Variants in CDH13 observed in about 807,000 individuals in gnomAD.
CDH13 encodes cadherin 13, also known as cadherin-13.
CDH13 carries 24 observed loss-of-function variants against 63.8 expected under a neutral mutation model. That is an observed-to-expected ratio of 0.38 (90% CI 0.27 to 0.53). CDH13 has a LOEUF of 0.53. Among genes scored for constraint, CDH13 ranks in the 20% least tolerant of loss-of-function variants. CDH13 has a pLI of 0.85. For missense variants in CDH13, 1,049 were observed against 903.1 expected (o/e 1.16, Z -2.07); for synonymous variants, 503 against 355.3 (o/e 1.42, Z -4.67).
chr16:83,669,859 T>C (rs544269960), intron 8 of CDH13, among the ~76,000 whole-genome samples: 1 of 152,350 alleles, frequency 6.6e-6, no homozygotes, highest in South Asian at 2.1e-4. Flanking sequence ...GTTACTTGTT[T>C]ATAAAATATT....
intron 6 of CDH13, among the ~76,000 whole-genome samples, chr16:83,391,496 G>A (rs1186034892): frequency 6.6e-6 from 1 of 152,136 alleles, no homozygotes; most frequent in African/African-American, 2.4e-5. Flanking sequence ...GAGCCACCGT[G>A]CCAGCCACAC....
intron 4 of CDH13, among the ~76,000 whole-genome samples, chr16:83,127,877 C>A (rs1171216008): frequency 6.6e-6 from 1 of 152,176 alleles, no homozygotes. Context: ...GAGTCTGGGA[C>A]ATGATACAAA....
chr16:83,318,551 T>C (rs2090153895), intron 5 of CDH13, among the ~76,000 whole-genome samples: 1 of 152,204 alleles, frequency 6.6e-6, no homozygotes, highest in Non-Finnish European at 1.5e-5. Flanking sequence ...GTTGCTTTCA[T>C]TCTGTTACTC....
intron 3 of CDH13, among the ~76,000 whole-genome samples, chr16:83,067,938 C>A (rs551743770): frequency 6.6e-6 from 1 of 152,106 alleles, no homozygotes; most frequent in African/African-American, 2.4e-5. Context: ...GAAAAATATC[C>A]CTGGCCTGGG....
At chr16:83,412,734 G>T (rs1042903189) in intron 6 of CDH13, among the ~76,000 whole-genome samples, 3 of 152,206 alleles carry the variant, frequency 2.0e-5, no homozygotes, top group Non-Finnish European at 2.9e-5. Context: ...ATACGGTGAA[G>T]TCATGAGCCC....
At chr16:82,629,782 G>C (rs1259799438) in intron 1 of CDH13, among the ~76,000 whole-genome samples, 1 of 152,194 alleles carries the variant, frequency 6.6e-6, no homozygotes, top group African/African-American at 2.4e-5. Context: ...CCTATCCCCT[G>C]GGGTGTTTTG....
intron 6 of CDH13, chr16:83,382,891 G>A (rs2091595340): frequency 6.6e-6 from 1 of 152,216 alleles, no homozygotes; most frequent in Admixed American, 6.5e-5. Flanking sequence ...GATCACACAA[G>A]TGGGAATTGG....
At chr16:83,539,013 G>A (rs1484875669) in intron 7 of CDH13, among the ~76,000 whole-genome samples, 1 of 152,034 alleles carries the variant, frequency 6.6e-6, no homozygotes, top group African/African-American at 2.4e-5. Context: ...ATTAAACCAA[G>A]ATTCATTGTA....
At chr16:82,974,230 T>A (rs1447680422) in intron 2 of CDH13, among the ~76,000 whole-genome samples, 1 of 152,178 alleles carries the variant, frequency 6.6e-6, no homozygotes, top group Non-Finnish European at 1.5e-5. Flanking sequence ...TGAGCCACCA[T>A]GCCCGGCCTA....
At position 82,627,134 on chromosome 16, in the gene CDH13, C is replaced by T. The variant is rs759111270; in HGVS notation, c.42C>T (p.Ser14=). 4.4e-6 allele frequency: 7 copies of T among 1,606,770 alleles called. No individual in the cohort carries two copies. The highest frequency in any genetic ancestry group is 5.9e-6 in the Non-Finnish European group (7 of 1,177,032). Residue 14 remains serine, a synonymous_variant, in exon 1 of 14, where the codon TCC becomes TCT. Transcript: ENST00000567109. ...RTPLVLCVLL[S]QVLLLTSAED... ...CGCTCGTTCTGTGCGTTCTCCTGTC[C>T]CAGGTAGGGAAGAGGGGCTGCCGGG...
At chr16:83,286,794 A>G (rs1262463282) in intron 5 of CDH13, among the ~76,000 whole-genome samples, 2 of 149,948 alleles carry the variant, frequency 1.3e-5, no homozygotes, top group African/African-American at 4.9e-5. Context: ...TTATATATAT[A>G]TACACACACA....
intron 8 of CDH13, among the ~76,000 whole-genome samples, chr16:83,624,127 C>G (rs1331306805): frequency 6.6e-6 from 1 of 152,128 alleles, no homozygotes; most frequent in Admixed American, 6.5e-5. Flanking sequence ...CTCTGCCTGT[C>G]TCTCTATGTT....
At chr16:82,939,011 C>A (rs540821263) in intron 2 of CDH13, among the ~76,000 whole-genome samples, 1 of 152,190 alleles carries the variant, frequency 6.6e-6, no homozygotes, top group Non-Finnish European at 1.5e-5. Context: ...CCTTCAGGCA[C>A]AGAACTGCAC....
intron 5 of CDH13, among the ~76,000 whole-genome samples, chr16:83,264,967 T>C (rs1267279670): frequency 6.6e-6 from 1 of 152,204 alleles, no homozygotes; most frequent in Non-Finnish European, 1.5e-5. Flanking sequence ...ACGACTCTGA[T>C]AGAATTTTCT....
chr16:83,728,286 G>C (rs1472923685), intron 10 of CDH13, among the ~76,000 whole-genome samples: 1 of 151,886 alleles, frequency 6.6e-6, no homozygotes, highest in African/African-American at 2.4e-5. Context: ...GCCGTAAGCG[G>C]TGTGATTCGC....
intron 6 of CDH13, among the ~76,000 whole-genome samples, chr16:83,416,673 C>A (rs1468431200): frequency 2.6e-5 from 4 of 152,110 alleles, no homozygotes; most frequent in African/African-American, 9.7e-5. Flanking sequence ...TGAGCATCTC[C>A]AAGTAGATGT....
chr16:83,319,049 G>T (rs912602582), intron 5 of CDH13, among the ~76,000 whole-genome samples: 1 of 150,928 alleles, frequency 6.6e-6, no homozygotes, highest in South Asian at 2.1e-4. Flanking sequence ...ACATAGACAC[G>T]CAGTAAAATA....
chr16:83,798,722 A>T lies in CDH13; in HGVS notation c.*3692A>T, dbSNP rs1038654873. ...CTCGTTTGAAGCCTCCATTAGCGTG[A>T]CTATGCAGCTAGACCAACTTACTGT... On this transcript the variant is annotated 3_prime_UTR_variant, in exon 14 of 14. Coordinates refer to ENST00000567109, the MANE Select transcript of CDH13 (RefSeq NM_001257.5). 1 of 152,188 alleles carries T rather than the reference A, an allele frequency of 6.6e-6. No homozygotes were observed. The highest frequency in any genetic ancestry group is 1.5e-5 in the Non-Finnish European group (1 of 68,038). The allele number at this position is 152,188 out of a possible 1,614,324, so 9.4% of individuals were successfully genotyped here. A position where few individuals can be genotyped will look rare whatever the true frequency, so the allele number is the denominator to read the frequency against.
chr16:82,751,479 C>T (rs2034411759), intron 1 of CDH13, among the ~76,000 whole-genome samples: 1 of 152,108 alleles, frequency 6.6e-6, no homozygotes, highest in Non-Finnish European at 1.5e-5. Flanking sequence ...CACACACTGA[C>T]CTCCTACTAC....
Sources: allele counts gnomAD v4.1 joint callset (sites outside exome capture counted in the v4.1 genomes callset), GRCh38; gene constraint gnomAD v4.1.1; transcripts MANE v1.5; gene names NCBI Gene and HGNC (gene_info 2026-07-23, HGNC 2026-07-21).